Variants in PID1 observed in about 807,000 individuals in gnomAD.
PID1 encodes the protein phosphotyrosine interaction domain containing 1, also known as PTB-containing, cubilin and LRP1-interacting protein.
In PID1, 10 loss-of-function variants were observed where a neutral mutation model predicts 19.1. That is an observed-to-expected ratio of 0.52 (90% CI 0.32 to 0.89). The LOEUF (loss-of-function observed/expected upper bound fraction) is 0.89, where lower values mean the gene tolerates loss of function less well. Among genes scored for constraint, PID1 ranks in the 40% least tolerant of loss-of-function variants. PID1 has a pLI of 0.03. For missense variants in PID1, 248 were observed against 285.3 expected (o/e 0.87, Z 0.94); for synonymous variants, 130 against 116.0 (o/e 1.12, Z -0.78).
chr2:229,120,696 C>T (rs940504981), intron 2 of PID1, among the ~76,000 whole-genome samples: 1 of 151,704 alleles, frequency 6.6e-6, no homozygotes, highest in Non-Finnish European at 1.5e-5. Flanking sequence ...TATCATTTGT[C>T]CCCACCAAAA....
At chr2:229,173,396 G>A (rs575469066) in intron 1 of PID1, among the ~76,000 whole-genome samples, 1 of 152,284 alleles carries the variant, frequency 6.6e-6, no homozygotes, top group Admixed American at 6.5e-5. Flanking sequence ...AACAGCACTT[G>A]ACATCTGTCA....
At chr2:229,258,297 T>C (rs1038668344) in intron 1 of PID1, among the ~76,000 whole-genome samples, 2 of 152,210 alleles carry the variant, frequency 1.3e-5, no homozygotes, top group African/African-American at 4.8e-5. Flanking sequence ...GCTCAACCAC[T>C]AGTTTGACTA....
chr2:229,058,124 C>G (rs1694140223), intron 2 of PID1, among the ~76,000 whole-genome samples: 1 of 152,036 alleles, frequency 6.6e-6, no homozygotes, highest in African/African-American at 2.4e-5. Flanking sequence ...CCGTGGACAC[C>G]CAAATACTAG....
chr2:229,048,298 A>G (rs1199016721), intron 2 of PID1, among the ~76,000 whole-genome samples: 1 of 152,010 alleles, frequency 6.6e-6, no homozygotes, highest in African/African-American at 2.4e-5. Flanking sequence ...TGATCACCCC[A>G]TTGTTCCCAT....
At chr2:229,189,510 C>T (rs954845271) in intron 1 of PID1, among the ~76,000 whole-genome samples, 1 of 152,228 alleles carries the variant, frequency 6.6e-6, no homozygotes, top group African/African-American at 2.4e-5. Flanking sequence ...GCCTGGCCAA[C>T]ATGGTGAAAC....
chr2:229,265,231 C>T (rs146139528), intron 1 of PID1, among the ~76,000 whole-genome samples: 22 of 152,168 alleles, frequency 1.4e-4, no homozygotes, highest in Admixed American at 8.5e-4. Flanking sequence ...AGTAAGAACT[C>T]GGTTGAAACA....
At chr2:229,127,591 G>A (rs1449625373) in intron 2 of PID1, among the ~76,000 whole-genome samples, 3 of 152,208 alleles carry the variant, frequency 2.0e-5, no homozygotes, top group Middle Eastern at 3.4e-3. Context: ...TGTCACTACC[G>A]ACATTTTGGG....
intron 2 of PID1, among the ~76,000 whole-genome samples, chr2:229,063,563 T>C (rs1327940110): frequency 6.6e-6 from 1 of 152,160 alleles, no homozygotes; most frequent in Non-Finnish European, 1.5e-5. Flanking sequence ...TCCTGGAGAC[T>C]ATTTCATGTG....
intron 1 of PID1, among the ~76,000 whole-genome samples, chr2:229,198,804 G>A (rs371987216): frequency 2.1e-4 from 32 of 151,962 alleles, no homozygotes; most frequent in Non-Finnish European, 3.4e-4. Flanking sequence ...CCATAATCTC[G>A]TCTCTAAACC....
At chr2:229,148,261 G>A (rs72977143) in intron 2 of PID1, among the ~76,000 whole-genome samples, 1 of 152,174 alleles carries the variant, frequency 6.6e-6, no homozygotes, top group African/African-American at 2.4e-5. Flanking sequence ...TTGGACCTGC[G>A]GTGAAGAAGT....
chr2:229,270,435 C>T (rs1443156144), intron 1 of PID1, among the ~76,000 whole-genome samples: 1 of 152,124 alleles, frequency 6.6e-6, no homozygotes, highest in South Asian at 2.1e-4. Context: ...TAACCCAGGA[C>T]ATAAATATTC....
In PID1 at chr2:229,057,036, T is replaced by A. The variant is rs80119896; in HGVS notation, c.178-30928A>T. Among the ~76,000 whole-genome samples the A allele has an allele frequency of 5.0e-3, 53 of 10,648 alleles. No homozygotes were observed. The East Asian group carries it at 0.19, about 38-fold the overall frequency. The allele number at this position is 10,648 out of a possible 152,430, so 7.0% of individuals were successfully genotyped here. On this transcript the variant is annotated intron_variant, in intron 2 of 2. Coordinates refer to ENST00000392055, the MANE Select transcript of PID1 (RefSeq NM_001100818.2). The stretch of plus-strand genomic sequence containing the variant: ...CACTTTATCATAAGAGAAAGAAATT[T>A]TTATTTTATTATTTTTGCTGACCTC...
At chr2:229,103,736 C>A (rs555535731) in intron 2 of PID1, among the ~76,000 whole-genome samples, 12 of 152,128 alleles carry the variant, frequency 7.9e-5, no homozygotes, top group African/African-American at 2.9e-4. Context: ...GCCACCATGC[C>A]CGGCTAATTG....
intron 2 of PID1, among the ~76,000 whole-genome samples, chr2:229,119,546 T>C (rs1574644122): frequency 6.6e-6 from 1 of 152,212 alleles, no homozygotes; most frequent in Non-Finnish European, 1.5e-5. Flanking sequence ...GGGAATGATA[T>C]AATTTCTCCT....
intron 1 of PID1, among the ~76,000 whole-genome samples, chr2:229,158,472 T>A (rs765123069): frequency 6.6e-6 from 1 of 152,118 alleles, no homozygotes; most frequent in African/African-American, 2.4e-5. Flanking sequence ...AAAAGCACCA[T>A]AGGAGCAGAA....
At chr2:229,265,371 C>A (rs1346731805) in intron 1 of PID1, among the ~76,000 whole-genome samples, 1 of 152,236 alleles carries the variant, frequency 6.6e-6, no homozygotes, top group East Asian at 1.9e-4. Flanking sequence ...ATATGCCAGT[C>A]ACAAAACAAG....
At chr2:229,047,260 G>T (rs1693902150) in intron 2 of PID1, among the ~76,000 whole-genome samples, 1 of 152,112 alleles carries the variant, frequency 6.6e-6, no homozygotes, top group African/African-American at 2.4e-5. Flanking sequence ...AAGGGCTCCT[G>T]CCCAGGTTCC....
intron 2 of PID1, among the ~76,000 whole-genome samples, chr2:229,081,685 G>T (rs1694671541): frequency 6.6e-6 from 1 of 152,222 alleles, no homozygotes; most frequent in South Asian, 2.1e-4. Context: ...GCTTTATAAA[G>T]CTGCTTTAGT....
At chr2:229,153,093 T>G (rs2106192908) in intron 2 of PID1, among the ~76,000 whole-genome samples, 1 of 152,280 alleles carries the variant, frequency 6.6e-6, no homozygotes, top group Non-Finnish European at 1.5e-5. Flanking sequence ...TTCTTGAAGA[T>G]GATCAGAAAA....
Sources: gnomAD v4.1 joint callset for allele counts (sites outside exome capture counted in the v4.1 genomes callset) on GRCh38, gnomAD v4.1.1 for gene constraint, MANE v1.5 for transcripts, NCBI Gene and HGNC (gene_info 2026-07-23, HGNC 2026-07-21) for gene names.